The following FSHR variants were observed in gnomAD, a reference collection of about 807,000 sequenced individuals.
FSHR encodes the protein follicle stimulating hormone receptor, also known as follicle-stimulating hormone receptor.
FSHR carries 46 observed loss-of-function variants against 52.1 expected under a neutral mutation model. That is an observed-to-expected ratio of 0.88 (90% CI 0.70 to 1.13). The LOEUF is 1.13. FSHR is among the 50% of genes most tolerant of loss of function. The probability of loss-of-function intolerance (pLI) is 0.00; values close to 1 mark genes in which losing one functional copy is unlikely to be tolerated. For missense variants in FSHR, 964 were observed against 834.6 expected (o/e 1.16, Z -1.91); for synonymous variants, 399 against 309.6 (o/e 1.29, Z -3.03).
At position 48,990,593 on chromosome 2, in the gene FSHR, T is replaced by C. The variant is rs1675725295; in HGVS notation, c.419A>G (p.Lys140Arg). The change falls in exon 5 of 10, where the codon AAG becomes AGG. Residue 140 changes from lysine to arginine, a missense_variant. Transcript: ENST00000406846. ...TGIKHLPDVHKIHSLQKVLLD... is the reference protein window; with the variant it reads ...TGIKHLPDVHRIHSLQKVLLD... ...TAAAACTTTTTGGAGAGAATGAATCTTGTGAACATCTGGAAGGTGCTTAAT... is the reference window on the plus strand; with the variant it reads ...TAAAACTTTTTGGAGAGAATGAATCCTGTGAACATCTGGAAGGTGCTTAAT... 6.2e-7 allele frequency: 1 copy of C among 1,611,778 alleles called. No homozygotes were observed. Among genetic ancestry groups the C allele is most frequent in the Non-Finnish European group, 8.5e-7 (1 of 1,178,044 alleles).
intron 1 of FSHR, among the ~76,000 whole-genome samples, chr2:49,106,745 C>G (rs1435308339): frequency 1.3e-5 from 2 of 152,094 alleles, no homozygotes; most frequent in East Asian, 3.9e-4. Context: ...GTCTTCAAAG[C>G]ATTGCTTGCC....
At chr2:49,085,739 A>T (rs1048891826) in intron 1 of FSHR, among the ~76,000 whole-genome samples, 3 of 152,218 alleles carry the variant, frequency 2.0e-5, no homozygotes, top group Non-Finnish European at 4.4e-5. Flanking sequence ...GATAGACTGG[A>T]TTAAGAAAAT....
intron 9 of FSHR, among the ~76,000 whole-genome samples, chr2:48,965,005 A>T (rs1399498452): frequency 2.0e-5 from 3 of 151,396 alleles, no homozygotes; most frequent in Non-Finnish European, 2.9e-5. Context: ...AAAAAAAAAA[A>T]AAAATTGTAC....
intron 1 of FSHR, among the ~76,000 whole-genome samples, chr2:49,127,815 T>TTCTTCTTCTTCTTCTTCC (rs1672084289): frequency 1.6e-5 from 1 of 61,038 alleles, no homozygotes; most frequent in Admixed American, 2.5e-4. Flanking sequence ...CTTCTTCTTC[T>TTCTTCTTCTTCTTCTTCC]TCTTCTTCTT....
rs537669697 is a variant in FSHR, at chr2:49,039,045, A to G, written c.225-18885T>C. Among the ~76,000 whole-genome samples the G allele has an allele frequency of 1.3e-4, 20 of 152,304 alleles. 1 individual carries two copies. The South Asian group carries it at 3.9e-3, about 30-fold the overall frequency. On this transcript the variant is annotated intron_variant, in intron 2 of 9. Coordinates refer to ENST00000406846, the MANE Select transcript of FSHR (RefSeq NM_000145.4). ...GACTTCAAAAAATATCTCTATTTCC[A>G]TGAGGCCCTGTACATGTCCTAACTA...
chr2:49,116,188 T>TACCCAAAATAG (rs1671593049), intron 1 of FSHR, among the ~76,000 whole-genome samples: 1 of 152,058 alleles, frequency 6.6e-6, no homozygotes, highest in Non-Finnish European at 1.5e-5. Context: ...CAGGAAGGCT[T>TACCCAAAATAG]TTATTAAGCC....
intron 1 of FSHR, among the ~76,000 whole-genome samples, chr2:49,099,241 G>A (rs989607357): frequency 6.6e-6 from 1 of 152,004 alleles, no homozygotes; most frequent in East Asian, 1.9e-4. Flanking sequence ...TGAATCATGG[G>A]GGTGGTTTCC....
chr2:49,096,640 T>C (rs1020577212), intron 1 of FSHR, among the ~76,000 whole-genome samples: 1 of 152,212 alleles, frequency 6.6e-6, no homozygotes, highest in African/African-American at 2.4e-5. Context: ...TTACAACTAC[T>C]GCTAATACTA....
chr2:49,067,935 G>T (rs147613306), intron 2 of FSHR, among the ~76,000 whole-genome samples: 1 of 151,662 alleles, frequency 6.6e-6, no homozygotes, highest in Non-Finnish European at 1.5e-5. Flanking sequence ...AGAGGCTTTG[G>T]TTTATGAAAA....
intron 4 of FSHR, chr2:49,014,903 C>G (rs1280271837): frequency 2.1e-6 from 1 of 470,088 alleles, no homozygotes; most frequent in Non-Finnish European, 4.4e-6. Flanking sequence ...TCTATGATCC[C>G]CATTTTCCAC....
chr2:49,105,110 C>T (rs1267670346), intron 1 of FSHR, among the ~76,000 whole-genome samples: 5 of 152,116 alleles, frequency 3.3e-5, no homozygotes, highest in Non-Finnish European at 7.4e-5. Context: ...AGACCAATCA[C>T]ACTTTGTACT....
chr2:48,990,604 T>C lies in FSHR; in HGVS notation c.408A>G (p.Pro136=). 1 of 1,612,230 alleles carries C rather than the reference T, an allele frequency of 6.2e-7. No homozygotes were observed. The change falls in exon 5 of 10, where the codon CCA becomes CCG. Residue 136 remains proline (P), a synonymous_variant. Coordinates refer to ENST00000406846, the MANE Select transcript of FSHR (RefSeq NM_000145.4). ...LISNTGIKHL[P]DVHKIHSLQK... ...GGAGAGAATGAATCTTGTGAACATC[T>C]GGAAGGTGCTTAATACCTGTGTTGG...
intron 1 of FSHR, among the ~76,000 whole-genome samples, chr2:49,096,242 T>C (rs1233580263): frequency 6.6e-6 from 1 of 152,146 alleles, no homozygotes; most frequent in African/African-American, 2.4e-5. Context: ...ATAAACATAA[T>C]GTAGTACGGT....
At chr2:48,975,145 T>C (rs1553429494) in intron 8 of FSHR, among the ~76,000 whole-genome samples, 1 of 152,130 alleles carries the variant, frequency 6.6e-6, no homozygotes, top group Non-Finnish European at 1.5e-5. Flanking sequence ...TGAGGGTATT[T>C]CCAGAAGAGA....
At chr2:49,137,050 C>T (rs759956025) in intron 1 of FSHR, among the ~76,000 whole-genome samples, 1 of 152,010 alleles carries the variant, frequency 6.6e-6, no homozygotes, top group Non-Finnish European at 1.5e-5. Context: ...GGCATACAGA[C>T]TAGAAAGAAG....
chr2:49,151,305 GT>G (rs1460824793), intron 1 of FSHR, among the ~76,000 whole-genome samples: 2 of 151,926 alleles, frequency 1.3e-5, no homozygotes, highest in Non-Finnish European at 2.9e-5. Flanking sequence ...TTGTGCTTTG[GT>G]TTGTCTTATT....
intron 1 of FSHR, among the ~76,000 whole-genome samples, chr2:49,126,380 C>A (rs2103793703): frequency 6.6e-6 from 1 of 152,270 alleles, no homozygotes; most frequent in East Asian, 1.9e-4. Flanking sequence ...ATAACAAACA[C>A]CATTCCTGCA....
chr2:49,068,131 A>G (rs1441408592), intron 2 of FSHR, 88 bp downstream of exon 2: 1 of 973,870 alleles, frequency 1.0e-6, no homozygotes, highest in East Asian at 2.4e-5. Context: ...TTCGGCTACT[A>G]AGTGCAGATA....
chr2:49,154,238 A>C, intron 1 of FSHR, 28 bp downstream of exon 1: 2 of 1,610,698 alleles, frequency 1.2e-6, no homozygotes, highest in South Asian at 1.1e-5. Context: ...CCAGCCATGC[A>C]GTTGTTCCCC....
Sources: gnomAD v4.1 joint callset for allele counts (sites outside exome capture counted in the v4.1 genomes callset) on GRCh38, gnomAD v4.1.1 for gene constraint, MANE v1.5 for transcripts, NCBI Gene and HGNC (gene_info 2026-07-23, HGNC 2026-07-21) for gene names.